KCNAB1: variants seen among roughly 807,000 people sequenced by gnomAD.
KCNAB1 encodes the protein voltage-gated potassium channel subunit beta-1.
Under a neutral mutation model 64.6 loss-of-function variants are expected in KCNAB1, and 35 were observed. The observed-to-expected ratio is 0.54, with a 90% confidence interval of 0.41 to 0.72. KCNAB1 has a LOEUF of 0.72. Ranked by LOEUF, KCNAB1 falls within the 30% of genes least tolerant of loss-of-function variation. KCNAB1 has a pLI of 0.00. For missense variants in KCNAB1, 401 were observed against 512.9 expected, an observed-to-expected ratio of 0.78 and a Z score of 2.11; for synonymous variants, 177 against 183.8, an observed-to-expected ratio of 0.96 and a Z score of 0.30.
At chr3:156,162,311 C>T (rs906384666) in intron 1 of KCNAB1, among the ~76,000 whole-genome samples, 6 of 151,726 alleles carry the variant, frequency 4.0e-5, no homozygotes, top group African/African-American at 1.5e-4. Flanking sequence ...ATCACTATAC[C>T]TGTTTATTTT....
intron 1 of KCNAB1, among the ~76,000 whole-genome samples, chr3:156,255,688 G>A (rs1276318234): frequency 6.6e-6 from 1 of 152,152 alleles, no homozygotes; most frequent in African/African-American, 2.4e-5. Context: ...ATGGGCTCAT[G>A]TGTCCTCCGA....
chr3:156,231,754 C>G (rs780259060), intron 1 of KCNAB1, among the ~76,000 whole-genome samples: 1 of 152,084 alleles, frequency 6.6e-6, no homozygotes, highest in Non-Finnish European at 1.5e-5. Flanking sequence ...TTCAGATAAA[C>G]TCAACCAATT....
chr3:156,410,692 T>A (rs892399471), intron 1 of KCNAB1, among the ~76,000 whole-genome samples: 4 of 152,206 alleles, frequency 2.6e-5, no homozygotes, highest in African/African-American at 9.6e-5. Flanking sequence ...TCTAGTTTTG[T>A]CTTTTCTAGA....
At chr3:156,467,113 T>G (rs1398119802) in intron 7 of KCNAB1, among the ~76,000 whole-genome samples, 2 of 152,140 alleles carry the variant, frequency 1.3e-5, no homozygotes, top group Non-Finnish European at 2.9e-5. Context: ...TAAAACCATC[T>G]AACACAAAGC....
intron 1 of KCNAB1, among the ~76,000 whole-genome samples, chr3:156,131,913 A>C (rs986380698): frequency 6.6e-6 from 1 of 152,232 alleles, no homozygotes; most frequent in African/African-American, 2.4e-5. Context: ...TGGGAGGAGC[A>C]GGTGGAGGCC....
chr3:156,163,881 G>T (rs1452322885), intron 1 of KCNAB1, among the ~76,000 whole-genome samples: 1 of 152,198 alleles, frequency 6.6e-6, no homozygotes, highest in Non-Finnish European at 1.5e-5. Flanking sequence ...CGGATGCCAT[G>T]GCATGAAGTT....
intron 1 of KCNAB1, among the ~76,000 whole-genome samples, chr3:156,398,607 A>AC (rs1658338511): frequency 6.6e-6 from 1 of 151,526 alleles, no homozygotes; most frequent in Non-Finnish European, 1.5e-5. Context: ...AAAAAAAAAA[A>AC]ACCTAGATGA....
chr3:156,202,133 C>T (rs74354898), intron 1 of KCNAB1, among the ~76,000 whole-genome samples: 18,686 of 152,130 alleles, frequency 0.12, 1,472 homozygotes, highest in Non-Finnish European at 0.17. Context: ...CCATGCTCTG[C>T]TACAGATGCT....
chr3:156,502,644 C>A (rs943566137), intron 8 of KCNAB1, among the ~76,000 whole-genome samples: 1 of 151,780 alleles, frequency 6.6e-6, no homozygotes, highest in African/African-American at 2.4e-5. Context: ...ACAAATAATT[C>A]TTTTTCAAAT....
At chr3:156,409,508 A>G (rs1176481533) in intron 1 of KCNAB1, among the ~76,000 whole-genome samples, 1 of 152,220 alleles carries the variant, frequency 6.6e-6, no homozygotes, top group Non-Finnish European at 1.5e-5. Context: ...TAAGGCCCTA[A>G]TGAATATATT....
chr3:156,383,969 A>T (rs991061948), intron 1 of KCNAB1, among the ~76,000 whole-genome samples: 1 of 152,148 alleles, frequency 6.6e-6, no homozygotes, highest in Non-Finnish European at 1.5e-5. Flanking sequence ...TGACAGCTAG[A>T]CAAGATGTCA....
At chr3:156,509,542 C>T (rs971433508) in intron 8 of KCNAB1, among the ~76,000 whole-genome samples, 2 of 152,128 alleles carry the variant, frequency 1.3e-5, no homozygotes, top group African/African-American at 4.8e-5. Flanking sequence ...CCAAGAGATT[C>T]TAATATAATA....
At chr3:156,204,831 C>CAACAAAAACAAT (rs1399214292) in intron 1 of KCNAB1, among the ~76,000 whole-genome samples, 7 of 150,958 alleles carry the variant, frequency 4.6e-5, no homozygotes, top group Non-Finnish European at 1.0e-4. Flanking sequence ...GACTCTGTCT[C>CAACAAAAACAAT]AACAACAACA....
At chr3:156,147,148 T>A (rs1291399153) in intron 1 of KCNAB1, among the ~76,000 whole-genome samples, 1 of 152,212 alleles carries the variant, frequency 6.6e-6, no homozygotes, top group Admixed American at 6.5e-5. Context: ...GAGTTAGACC[T>A]GGATTTGGCT....
At chr3:156,268,896 CTG>C (rs1350578025) in intron 1 of KCNAB1, among the ~76,000 whole-genome samples, 2 of 152,070 alleles carry the variant, frequency 1.3e-5, no homozygotes. Flanking sequence ...CTTTGGTTGT[CTG>C]TGTTTGTTGG....
At chr3:156,208,582 T>A (rs1714805288) in intron 1 of KCNAB1, among the ~76,000 whole-genome samples, 1 of 152,174 alleles carries the variant, frequency 6.6e-6, no homozygotes, top group Non-Finnish European at 1.5e-5. Context: ...GAGGTGTTTC[T>A]GTGTTGTACT....
intron 1 of KCNAB1, among the ~76,000 whole-genome samples, chr3:156,363,490 T>G (rs1725742207): frequency 6.6e-6 from 1 of 152,202 alleles, no homozygotes; most frequent in Admixed American, 6.5e-5. Flanking sequence ...TTTTTTTTTT[T>G]TTTGAGACAG....
At chr3:156,382,998 C>T (rs992754236) in intron 1 of KCNAB1, among the ~76,000 whole-genome samples, 5 of 152,176 alleles carry the variant, frequency 3.3e-5, no homozygotes, top group African/African-American at 4.8e-5. Flanking sequence ...GATGATCTTT[C>T]GGGTGCTTTC....
chr3:156,497,604 C>T (rs767127799), intron 8 of KCNAB1, among the ~76,000 whole-genome samples: 5 of 152,192 alleles, frequency 3.3e-5, no homozygotes, highest in Non-Finnish European at 7.3e-5. Context: ...ATAAGGATGA[C>T]ATTTACACAA....
Sources: allele counts gnomAD v4.1 joint callset (sites outside exome capture counted in the v4.1 genomes callset), GRCh38; gene constraint gnomAD v4.1.1; transcripts MANE v1.5; gene names NCBI Gene and HGNC (gene_info 2026-07-23, HGNC 2026-07-21).